The following WIPI1 variants were observed in gnomAD, a reference collection of about 807,000 sequenced individuals.
The protein encoded by WIPI1 is WD repeat domain, phosphoinositide interacting 1.
WIPI1 carries 45 observed loss-of-function variants against 55.3 expected under a neutral mutation model. That is an observed-to-expected ratio of 0.81 (90% CI 0.64 to 1.04). The LOEUF (loss-of-function observed/expected upper bound fraction) is 1.04, where lower values mean the gene tolerates loss of function less well. Among genes scored for constraint, WIPI1 ranks in the 50% least tolerant of loss-of-function variants. WIPI1 has a pLI of 0.00. For missense variants in WIPI1, 445 were observed against 559.0 expected (o/e 0.80, Z 2.06); for synonymous variants, 195 against 217.6 (o/e 0.90, Z 0.92).
intron 3 of WIPI1, among the ~76,000 whole-genome samples, chr17:68,446,565 T>C (rs567073693): frequency 1.3e-5 from 2 of 152,196 alleles, no homozygotes; most frequent in Non-Finnish European, 2.9e-5. Context: ...TTCTCAAAAT[T>C]GATGATAAAT....
At chr17:68,426,254 G>GGGGGGGGGGGGGCCCCC in intron 11 of WIPI1, 79 bp from the exon 12 acceptor site, 1 of 816,924 alleles carries the variant, frequency 1.2e-6, no homozygotes, top group Admixed American at 2.3e-5. Context: ...GGGAGCGGGG[G>GGGGGGGGGGGGGCCCCC]CTCAAATAAA....
intron 6 of WIPI1, among the ~76,000 whole-genome samples, 174 bp downstream of exon 6, chr17:68,435,446 T>A (rs2083737333): frequency 6.6e-6 from 1 of 152,190 alleles, no homozygotes; most frequent in Admixed American, 6.5e-5. Flanking sequence ...AATTAACAAA[T>A]GCATGAATAT....
At chr17:68,425,823 C>G (rs1256187631) in intron 12 of WIPI1, 1 of 403,310 alleles carries the variant, frequency 2.5e-6, no homozygotes, top group Non-Finnish European at 4.4e-6. Context: ...TGGAGGGAGG[C>G]CACCAAGACT....
chr17:68,446,118 A>G (rs2084274103), intron 3 of WIPI1, among the ~76,000 whole-genome samples: 1 of 152,158 alleles, frequency 6.6e-6, no homozygotes, highest in Non-Finnish European at 1.5e-5. Flanking sequence ...AAGACTATCC[A>G]TGGCTCAGAA....
In WIPI1 at chr17:68,438,385, A is replaced by G. The variant is rs183527664; in HGVS notation, c.431-1906T>C. On this transcript the variant is annotated intron_variant, in intron 4 of 12. Transcript: ENST00000262139. Reference sequence around the variant, plus strand: ...TCTTTGCTATCCAAATGAAATTTCAAGAACAGCTAGGCAGGCAGAAGGGAT... The same window carrying G: ...TCTTTGCTATCCAAATGAAATTTCAGGAACAGCTAGGCAGGCAGAAGGGAT... Among the ~76,000 whole-genome samples, 380 of 152,354 alleles carry G rather than the reference A, an allele frequency of 2.5e-3. 1 individual carries two copies. The highest frequency in any genetic ancestry group is 4.5e-3 in the Non-Finnish European group (308 of 68,044).
chr17:68,426,299 C>T, intron 11 of WIPI1, 124 bp from the exon 12 acceptor site: 1 of 751,444 alleles, frequency 1.3e-6, no homozygotes, highest in East Asian at 2.7e-5. Context: ...CTGTCTTCCC[C>T]CTGGAGGTAC....
intron 12 of WIPI1, among the ~76,000 whole-genome samples, chr17:68,425,364 C>T (rs1054487739): frequency 6.7e-6 from 1 of 148,592 alleles, no homozygotes; most frequent in African/African-American, 2.5e-5. Context: ...ACACCACACC[C>T]GGCTAATTTT....
In WIPI1 at chr17:68,430,142, C is replaced by T. The variant is rs747408229; in HGVS notation, c.819G>A (p.Ser273=). Reference sequence around the variant, plus strand: ...TCTTTCCCATGTAGCCACTCCAGGTCGAAGGCTCTTCTGGTCGACTAGGGA... The same window carrying T: ...TCTTTCCCATGTAGCCACTCCAGGTTGAAGGCTCTTCTGGTCGACTAGGGA... ...QVTNSRPEEP[S]TWSGYMGKMF... Residue 273 remains serine (S), a synonymous_variant, in exon 9 of 13, where the codon TCG becomes TCA. Coordinates refer to ENST00000262139, the MANE Select transcript of WIPI1 (RefSeq NM_017983.7). The T allele has an allele frequency of 2.7e-5, 43 of 1,613,484 alleles. No individual in the cohort carries two copies. Among genetic ancestry groups the T allele is most frequent in the Middle Eastern group, 1.7e-4 (1 of 6,016 alleles).
At chr17:68,442,743 C>T (rs1163044576) in intron 4 of WIPI1, among the ~76,000 whole-genome samples, 1 of 152,304 alleles carries the variant, frequency 6.6e-6, no homozygotes, top group East Asian at 1.9e-4. Flanking sequence ...ATCAGAAGAG[C>T]ACATGCTCCC....
intron 1 of WIPI1, among the ~76,000 whole-genome samples, chr17:68,455,567 A>G (rs2952294): frequency 0.78 from 117,899 of 152,008 alleles, 46,080 homozygotes; most frequent in African/African-American, 0.85. Flanking sequence ...TTAAAATCCA[A>G]TGTCATACCC....
intron 3 of WIPI1, among the ~76,000 whole-genome samples, chr17:68,448,700 A>T (rs1188513218): frequency 6.6e-6 from 1 of 152,052 alleles, no homozygotes; most frequent in African/African-American, 2.4e-5. Flanking sequence ...AAACAATCTT[A>T]AAAAGATCAT....
intron 7 of WIPI1, 49 bp downstream of exon 7, chr17:68,434,507 G>C (rs748933401): frequency 1.8e-5 from 29 of 1,602,440 alleles, no homozygotes; most frequent in Non-Finnish European, 2.5e-5. Flanking sequence ...AGCGGTCCCT[G>C]CGGGACTTCT....
chr17:68,426,254 G>GGGCCCCCC, intron 11 of WIPI1, 79 bp from the exon 12 acceptor site: 3 of 816,880 alleles, frequency 3.7e-6, no homozygotes, highest in Non-Finnish European at 5.8e-6. Context: ...GGGAGCGGGG[G>GGGCCCCCC]CTCAAATAAA....
At chr17:68,430,812 C>A (rs1749596075) in intron 8 of WIPI1, among the ~76,000 whole-genome samples, 1 of 152,186 alleles carries the variant, frequency 6.6e-6, no homozygotes, top group African/African-American at 2.4e-5. Context: ...CAGAGGGTGG[C>A]ACATTGAGAA....
intron 3 of WIPI1, among the ~76,000 whole-genome samples, chr17:68,444,819 A>C (rs1247592070): frequency 6.6e-6 from 1 of 152,070 alleles, no homozygotes; most frequent in Non-Finnish European, 1.5e-5. Context: ...TTAGAAATTA[A>C]GATTGTTTTT....
At chr17:68,422,361 G>A (rs2082851171) in intron 12 of WIPI1, 1 of 153,672 alleles carries the variant, frequency 6.5e-6, no homozygotes, top group Non-Finnish European at 1.4e-5. Context: ...CCGGGGAGGT[G>A]GAGGCTGCAG....
intron 4 of WIPI1, among the ~76,000 whole-genome samples, chr17:68,437,016 ATGTGTGTG>A (rs71142180): frequency 6.9e-6 from 1 of 144,578 alleles, no homozygotes; most frequent in Admixed American, 6.9e-5. Context: ...ATATATATAT[ATGTGTGTG>A]TGTGTGTGTG....
intron 8 of WIPI1, among the ~76,000 whole-genome samples, chr17:68,430,734 A>T (rs564652695): frequency 6.6e-6 from 1 of 152,304 alleles, no homozygotes; most frequent in South Asian, 2.1e-4. Context: ...ACTTCATCCC[A>T]AGGCCTCTGC....
intron 12 of WIPI1, chr17:68,425,850 G>A: frequency 4.3e-6 from 2 of 463,784 alleles, no homozygotes; most frequent in South Asian, 3.4e-5. Flanking sequence ...ATTAGTATTC[G>A]GTGACTCTAA....
Sources: allele counts gnomAD v4.1 joint callset (sites outside exome capture counted in the v4.1 genomes callset), GRCh38; gene constraint gnomAD v4.1.1; transcripts MANE v1.5; gene names NCBI Gene and HGNC (gene_info 2026-07-23, HGNC 2026-07-21).